The following PITPNC1 variants were observed in gnomAD, a reference collection of about 807,000 sequenced individuals.
The protein encoded by PITPNC1 is phosphatidylinositol transfer protein cytoplasmic 1, also known as cytoplasmic phosphatidylinositol transfer protein 1.
Under a neutral mutation model 44.7 loss-of-function variants are expected in PITPNC1, and 18 were observed. The ratio of observed to expected loss-of-function variants is 0.40; its 90% CI spans 0.28 to 0.60. The LOEUF (loss-of-function observed/expected upper bound fraction) is 0.60, where lower values mean the gene tolerates loss of function less well. Among genes scored for constraint, PITPNC1 ranks in the 20% least tolerant of loss-of-function variants. PITPNC1 has a pLI of 0.39. For missense variants in PITPNC1, 290 were observed against 418.4 expected (o/e 0.69, Z 2.68); for synonymous variants, 141 against 149.6 (o/e 0.94, Z 0.42).
chr17:67,680,600 CAA>C (rs11354234), intron 8 of PITPNC1, among the ~76,000 whole-genome samples: 2,456 of 132,392 alleles, frequency 0.019, 44 homozygotes, highest in African/African-American at 0.053. Flanking sequence ...AACTCTGTCT[CAA>C]AAAAAAAAAA....
chr17:67,431,841 T>C (rs2038861411), intron 1 of PITPNC1, among the ~76,000 whole-genome samples: 1 of 152,230 alleles, frequency 6.6e-6, no homozygotes, highest in African/African-American at 2.4e-5. Context: ...TTTCTTCCTT[T>C]GTCTTAATGT....
chr17:67,517,578 G>A (rs1246498012), intron 1 of PITPNC1, among the ~76,000 whole-genome samples: 1 of 152,192 alleles, frequency 6.6e-6, no homozygotes, highest in Non-Finnish European at 1.5e-5. Flanking sequence ...ATATTATTCA[G>A]TAATAAAAAG....
At chr17:67,452,291 G>A (rs572419034) in intron 1 of PITPNC1, among the ~76,000 whole-genome samples, 28 of 152,060 alleles carry the variant, frequency 1.8e-4, no homozygotes, top group Middle Eastern at 3.4e-3. Context: ...GACTACAGGC[G>A]GGAGCCATCA....
chr17:67,620,675 C>T (rs1490002669), intron 5 of PITPNC1, among the ~76,000 whole-genome samples: 1 of 152,098 alleles, frequency 6.6e-6, no homozygotes, highest in Non-Finnish European at 1.5e-5. Context: ...TGATATTGTC[C>T]ACCAGAAAGG....
At chr17:67,655,286 C>T (rs531840792) in intron 6 of PITPNC1, among the ~76,000 whole-genome samples, 22 of 151,932 alleles carry the variant, frequency 1.4e-4, no homozygotes, top group Non-Finnish European at 2.6e-4. Context: ...GGGCCGGGCT[C>T]GCTGGCTCAT....
chr17:67,408,725 C>CTTTCTTTCTTT (rs1567978447), intron 1 of PITPNC1: 7 of 118,022 alleles, frequency 5.9e-5, no homozygotes, highest in Middle Eastern at 4.2e-3. Context: ...TTCCTTCCTT[C>CTTTCTTTCTTT]CTTCCTTTCT....
intron 5 of PITPNC1, among the ~76,000 whole-genome samples, chr17:67,606,796 A>G (rs1435291626): frequency 6.6e-6 from 1 of 152,116 alleles, no homozygotes; most frequent in Admixed American, 6.5e-5. Flanking sequence ...TTAAAAAATA[A>G]TAATAAAAAG....
At chr17:67,681,080 G>T (rs907520508) in intron 8 of PITPNC1, among the ~76,000 whole-genome samples, 1 of 152,190 alleles carries the variant, frequency 6.6e-6, no homozygotes, top group Non-Finnish European at 1.5e-5. Flanking sequence ...GAAAATTCAC[G>T]CTTGCAGATG....
intron 6 of PITPNC1, among the ~76,000 whole-genome samples, chr17:67,649,964 G>A (rs1366463064): frequency 6.6e-6 from 1 of 152,094 alleles, no homozygotes; most frequent in Non-Finnish European, 1.5e-5. Context: ...CAGCAGGTCA[G>A]TGTGTTTAAG....
At chr17:67,521,451 T>C (rs2040323919) in intron 1 of PITPNC1, among the ~76,000 whole-genome samples, 1 of 152,220 alleles carries the variant, frequency 6.6e-6, no homozygotes, top group South Asian at 2.1e-4. Flanking sequence ...GATGCACTGA[T>C]ATCCTGAAAT....
intron 5 of PITPNC1, among the ~76,000 whole-genome samples, chr17:67,624,095 T>C (rs192394251): frequency 1.8e-4 from 27 of 152,348 alleles, no homozygotes; most frequent in Middle Eastern, 3.4e-3. Flanking sequence ...GTAGGATATT[T>C]AAACTGTTTT....
At chr17:67,458,120 C>T (rs557285516) in intron 1 of PITPNC1, among the ~76,000 whole-genome samples, 29 of 152,326 alleles carry the variant, frequency 1.9e-4, no homozygotes, top group African/African-American at 7.0e-4. Context: ...CTCTGAGTCT[C>T]TTCCTACCCA....
At position 67,694,932 on chromosome 17, in the gene PITPNC1, G is replaced by T. The variant is rs1177595127; in HGVS notation, c.*2044G>T. 1.3e-5 allele frequency: 2 copies of T among 152,124 alleles called. No individual in the cohort carries two copies. Among genetic ancestry groups the T allele is most frequent in the African/African-American group, 4.8e-5 (2 of 41,416 alleles). 9.4% of individuals were successfully genotyped at this position (152,124 alleles called of 1,614,324 possible). A position where few individuals can be genotyped will look rare whatever the true frequency, so the allele number is the denominator to read the frequency against. On this transcript the variant is annotated 3_prime_UTR_variant, in exon 9 of 9. Transcript: ENST00000581322. ...CAAGCTAAAATCAAGGTGGGATGGG[G>T]TCATTATTTTCACATAGAATGTATT...
At chr17:67,383,443 T>C (rs1225422564) in intron 1 of PITPNC1, among the ~76,000 whole-genome samples, 13 of 152,184 alleles carry the variant, frequency 8.5e-5, no homozygotes, top group Non-Finnish European at 1.8e-4. Flanking sequence ...GTACACTGGC[T>C]CTACTCTCTA....
At chr17:67,686,241 T>G (rs2042813592) in intron 8 of PITPNC1, among the ~76,000 whole-genome samples, 1 of 149,212 alleles carries the variant, frequency 6.7e-6, no homozygotes, top group Admixed American at 6.8e-5. Context: ...CATTGTAGGA[T>G]GCTCCATAGT....
At position 67,550,875 on chromosome 17, in the gene PITPNC1, T is replaced by C. The variant is rs556104174; in HGVS notation, c.198-1382T>C. ...AGGAGATCGAGACCATCCTGGCTAA[T>C]ACGGTGAAACCCCGTCTCTACTAAA... is the stretch of plus-strand genomic sequence containing the variant. On this transcript the variant is annotated intron_variant, in intron 2 of 8. Transcript: ENST00000581322. Among the ~76,000 whole-genome samples the C allele has an allele frequency of 2.8e-3, 432 of 152,120 alleles. 2 individuals are homozygous for C. Among genetic ancestry groups the C allele is most frequent in the African/African-American group, 9.9e-3 (411 of 41,502 alleles).
intron 1 of PITPNC1, among the ~76,000 whole-genome samples, chr17:67,490,938 A>G (rs1432556690): frequency 5.3e-5 from 8 of 152,218 alleles, no homozygotes; most frequent in Admixed American, 4.6e-4. Context: ...CTATTCAAGG[A>G]ATGTGAATGG....
chr17:67,670,036 G>T (rs2042486237), intron 7 of PITPNC1, among the ~76,000 whole-genome samples: 1 of 151,830 alleles, frequency 6.6e-6, no homozygotes, highest in Non-Finnish European at 1.5e-5. Flanking sequence ...TCGTATTATT[G>T]CACTCCAGCC....
At chr17:67,574,849 G>A (rs905736056) in intron 4 of PITPNC1, among the ~76,000 whole-genome samples, 3 of 152,096 alleles carry the variant, frequency 2.0e-5, no homozygotes, top group Admixed American at 6.5e-5. Context: ...GGAGTTACCA[G>A]GAGCTGTTCT....
Sources: allele counts gnomAD v4.1 joint callset (sites outside exome capture counted in the v4.1 genomes callset), GRCh38; gene constraint gnomAD v4.1.1; transcripts MANE v1.5; gene names NCBI Gene and HGNC (gene_info 2026-07-23, HGNC 2026-07-21).